The following ZDHHC19 variants were observed in gnomAD, a reference collection of about 807,000 sequenced individuals.
ZDHHC19 encodes the protein zDHHC palmitoyltransferase 19.
ZDHHC19 carries 30 observed loss-of-function variants against 33.9 expected under a neutral mutation model. The observed-to-expected ratio is 0.88, with a 90% CI of 0.66 to 1.20. The LOEUF is 1.20. ZDHHC19 is among the 50% of genes most tolerant of loss of function. The pLI is 0.00. For synonymous variants in ZDHHC19, 178 were observed against 167.6 expected (o/e 1.06, Z -0.48); for missense variants, 364 against 401.1 (o/e 0.91, Z 0.79).
chr3:196,210,273 A>G (rs1723126790), intron 2 of ZDHHC19, among the ~76,000 whole-genome samples: 1 of 128,278 alleles, frequency 7.8e-6, no homozygotes. Context: ...GAAAAGAGAA[A>G]GAAAGAAAGA....
chr3:196,200,472 A>C (rs539733131), intron 5 of ZDHHC19, among the ~76,000 whole-genome samples: 1 of 146,644 alleles, frequency 6.8e-6, no homozygotes, highest in Non-Finnish European at 1.5e-5. Context: ...CTCCTGCCTC[A>C]GCCTCCCAAG....
chr3:196,207,124 T>C (rs1360228051), intron 5 of ZDHHC19, among the ~76,000 whole-genome samples: 2 of 152,134 alleles, frequency 1.3e-5, no homozygotes, highest in African/African-American at 2.4e-5. Context: ...AGGTTCCTCA[T>C]CAACACGAGT....
At chr3:196,206,775 G>A (rs112212659) in intron 5 of ZDHHC19, among the ~76,000 whole-genome samples, 3 of 149,282 alleles carry the variant, frequency 2.0e-5, no homozygotes, top group Non-Finnish European at 4.4e-5. Context: ...CCGCCTCTCC[G>A]GTTCACGCCA....
At position 196,211,285 on chromosome 3, in the gene ZDHHC19, C is replaced by G; in HGVS notation, c.31G>C (p.Val11Leu). 1 of 1,613,892 alleles carries G rather than the reference C, an allele frequency of 6.2e-7. No homozygotes were observed. Among genetic ancestry groups the G allele is most frequent in the South Asian group, 1.1e-5 (1 of 91,060 alleles). The change falls in exon 1 of 8, where the codon GTG becomes CTG. Residue 11 changes from valine (V) to leucine (L), a missense_variant. Transcript: ENST00000296326. MTLLTDATPLVKEPHPLPLVP... is the reference protein window; with the variant it reads MTLLTDATPLLKEPHPLPLVP... ...AGAGGCAGGGGATGGGGCTCCTTCA[C>G]CAGCGGCGTGGCATCCGTTAAGAGT...
At chr3:196,198,528 C>T in intron 6 of ZDHHC19, 77 bp from the exon 7 acceptor site, 1 of 1,579,296 alleles carries the variant, frequency 6.3e-7, no homozygotes, top group East Asian at 2.3e-5. Context: ...GCTTGGGAAG[C>T]ACACGGCCCA....
chr3:196,205,579 C>A (rs1289885376), intron 5 of ZDHHC19, among the ~76,000 whole-genome samples: 2 of 152,136 alleles, frequency 1.3e-5, no homozygotes, highest in Admixed American at 1.3e-4. Flanking sequence ...AGGACTGTAT[C>A]CGTGTGTCAG....
At chr3:196,206,488 G>C (rs932963621) in intron 5 of ZDHHC19, among the ~76,000 whole-genome samples, 1 of 151,778 alleles carries the variant, frequency 6.6e-6, no homozygotes, top group African/African-American at 2.4e-5. Context: ...GAGTAGCTGG[G>C]ACTAAAGGCA....
At chr3:196,201,355 C>A (rs1005633068) in intron 5 of ZDHHC19, among the ~76,000 whole-genome samples, 1 of 151,508 alleles carries the variant, frequency 6.6e-6, no homozygotes, top group Non-Finnish European at 1.5e-5. Context: ...CGTGAGCCAC[C>A]GCACCGGGCC....
chr3:196,207,886 C>T (rs564897681), intron 4 of ZDHHC19, among the ~76,000 whole-genome samples: 2 of 136,206 alleles, frequency 1.5e-5, no homozygotes, highest in African/African-American at 5.5e-5. Flanking sequence ...CCGTCCAGAT[C>T]TGCGGTGCAC....
rs149148043 is a variant in ZDHHC19 at position 196,198,302 on chromosome 3, G to A, written c.923C>T (p.Ala308Val). ...SLQSREGTPG[A>V]W ...TCCTGGAGAGCTGCAGCCTCACCACGCCCCGGGGGTCCCTTCCCTGCTTTG... is the reference window on the plus strand; with the variant it reads ...TCCTGGAGAGCTGCAGCCTCACCACACCCCGGGGGTCCCTTCCCTGCTTTG... The change falls in exon 7 of 8, where the codon GCG becomes GTG. Residue 308 changes from alanine to valine, a missense_variant. Physicochemically the swap from Ala to Val is moderately conservative, Grantham distance 64. Coordinates refer to ENST00000296326, the MANE Select transcript of ZDHHC19 (RefSeq NM_001039617.2). 1.2e-3 allele frequency: 1,821 copies of A among 1,500,950 alleles called. 14 individuals are homozygous for A. In the African/African-American group the frequency reaches 0.023, roughly 19 times the overall value. 93.0% of individuals were successfully genotyped at this position (1,500,950 alleles called of 1,614,324 possible).
intron 5 of ZDHHC19, among the ~76,000 whole-genome samples, chr3:196,200,415 C>T (rs191350223): frequency 1.2e-3 from 165 of 136,706 alleles, no homozygotes; most frequent in Middle Eastern, 5.4e-3. Flanking sequence ...AGTGCAGTGG[C>T]GCGATCTCAG....
chr3:196,202,095 G>A (rs747590902), intron 5 of ZDHHC19, among the ~76,000 whole-genome samples: 2 of 152,168 alleles, frequency 1.3e-5, no homozygotes, highest in Non-Finnish European at 1.5e-5. Context: ...AAGATGGGTG[G>A]AGCATTTGAG....
chr3:196,208,680 G>A, intron 3 of ZDHHC19, 120 bp from the exon 4 acceptor site: 4 of 1,170,814 alleles, frequency 3.4e-6, no homozygotes, highest in South Asian at 1.5e-5. Flanking sequence ...CCATGCACTG[G>A]CTTCCACCCC....
At chr3:196,199,946 G>A (rs73212109) in intron 5 of ZDHHC19, among the ~76,000 whole-genome samples, 21,833 of 151,340 alleles carry the variant, frequency 0.14, 1,827 homozygotes, top group Middle Eastern at 0.27. Context: ...CTCTGGCTCA[G>A]AAAAAAGAAA....
At chr3:196,204,954 A>G (rs1364787231) in intron 5 of ZDHHC19, among the ~76,000 whole-genome samples, 1 of 152,086 alleles carries the variant, frequency 6.6e-6, no homozygotes, top group Non-Finnish European at 1.5e-5. Context: ...AAAAATGCAA[A>G]AATTAGCCCG....
At chr3:196,210,481 C>A (rs1461386390) in intron 2 of ZDHHC19, 135 bp downstream of exon 2, 2 of 1,003,524 alleles carry the variant, frequency 2.0e-6, no homozygotes, top group African/African-American at 1.7e-5. Context: ...GAGCGAGGGC[C>A]AGAGCAATGA....
intron 2 of ZDHHC19, 59 bp from the exon 3 acceptor site, chr3:196,209,574 G>A (rs1198382127): frequency 1.3e-6 from 2 of 1,576,066 alleles, no homozygotes; most frequent in African/African-American, 2.7e-5. Context: ...CGCGGCGGGG[G>A]CAGCTCCACG....
chr3:196,198,391 C>T lies in ZDHHC19; in HGVS notation c.834G>A (p.Pro278=), dbSNP rs748513039. The change falls in exon 7 of 8, where the codon CCG becomes CCA. Residue 278 remains proline (P), a synonymous_variant. Coordinates refer to ENST00000296326, the MANE Select transcript of ZDHHC19 (RefSeq NM_001039617.2). ...RVVGPDWTSM[P]NLHPPMSPSA... ...AGGGGGACATTGGAGGGTGCAGATT[C>T]GGCATGGATGTCCAGTCAGGCCCCA... 6.8e-5 allele frequency: 105 copies of T among 1,542,134 alleles called. No individual in the cohort carries two copies. Among genetic ancestry groups the T allele is most frequent in the Middle Eastern group, 1.8e-4 (1 of 5,710 alleles).
chr3:196,208,620 C>T, intron 3 of ZDHHC19, 60 bp from the exon 4 acceptor site: 1 of 1,569,112 alleles, frequency 6.4e-7, no homozygotes, highest in Non-Finnish European at 8.7e-7. Flanking sequence ...AATTCCATCA[C>T]CCCAAATCCT....
Sources: gnomAD v4.1 joint callset for allele counts (sites outside exome capture counted in the v4.1 genomes callset) on GRCh38, gnomAD v4.1.1 for gene constraint, MANE v1.5 for transcripts, NCBI Gene and HGNC (gene_info 2026-07-23, HGNC 2026-07-21) for gene names.